Variants in ARID2 observed in about 807,000 individuals in gnomAD.
The protein encoded by ARID2 is AT-rich interactive domain-containing protein 2.
In ARID2, 32 loss-of-function variants were observed where a neutral mutation model predicts 184.6. That is an observed-to-expected ratio of 0.17 (90% confidence interval 0.13 to 0.23). The LOEUF (loss-of-function observed/expected upper bound fraction) is 0.23. ARID2 is among the 10% of genes least tolerant of loss of function. ARID2 has a pLI of 1.00. For missense variants in ARID2, 1,696 were observed against 2,197.6 expected (o/e 0.77, Z 4.56); for synonymous variants, 836 against 772.6 (o/e 1.08, Z -1.36).
At chr12:45,780,058 A>G (rs1942060094) in intron 3 of ARID2, among the ~76,000 whole-genome samples, 2 of 152,234 alleles carry the variant, frequency 1.3e-5, no homozygotes, top group South Asian at 4.1e-4. Flanking sequence ...TAAAGTACTT[A>G]CTTAGCAGAT....
In ARID2 at chr12:45,904,982, C is replaced by T. The variant is rs765314451; in HGVS notation, c.5412C>T (p.Asn1804=). 9 of 1,613,800 alleles carry T rather than the reference C, an allele frequency of 5.6e-6. No individual in the cohort carries two copies. Among genetic ancestry groups the T allele is most frequent in the Admixed American group, 3.3e-5 (2 of 59,992 alleles). Residue 1804 remains asparagine (N), a synonymous_variant, in exon 21 of 21, where the codon AAC becomes AAT. Coordinates refer to ENST00000334344, the MANE Select transcript of ARID2 (RefSeq NM_152641.4). ...ACTTATCAGTGCTAGCCATTAGTAACATGGAAGCTTCCTCCACCCTTGCCA... is the reference window on the plus strand; with the variant it reads ...ACTTATCAGTGCTAGCCATTAGTAATATGGAAGCTTCCTCCACCCTTGCCA... ...ENNLSVLAIS[N]MEASSTLAKC... is the part of the protein sequence containing the mutation.
rs1943581246 is a variant in ARID2, at chr12:45,852,797, A to G, written c.4674A>G (p.Ala1558=). ...GCGCAACAATGGTTGCTGTGCCAGC[A>G]GGAGCAGATCCAAGCACTGTAGCTA... is the stretch of plus-strand genomic sequence containing the variant. ...GCSATMVAVP[A]GADPSTVAKV... The change falls in exon 15 of 21, where the codon GCA becomes GCG. Residue 1558 remains alanine, a synonymous_variant. Coordinates refer to ENST00000334344, the MANE Select transcript of ARID2 (RefSeq NM_152641.4). The G allele has an allele frequency of 6.2e-7, 1 of 1,614,158 alleles. No homozygotes were observed. The highest frequency in any genetic ancestry group is 8.5e-7 in the Non-Finnish European group (1 of 1,180,006).
chr12:45,745,557 A>G (rs1424185258), intron 3 of ARID2, among the ~76,000 whole-genome samples: 3 of 152,062 alleles, frequency 2.0e-5, no homozygotes, highest in African/African-American at 7.2e-5. Flanking sequence ...ATTTATTATT[A>G]TTATTTTTGA....
chr12:45,883,048 C>T (rs149989453), intron 16 of ARID2, among the ~76,000 whole-genome samples: 4 of 152,086 alleles, frequency 2.6e-5, no homozygotes, highest in Admixed American at 6.5e-5. Context: ...TGTGTGAGAG[C>T]GCTAAAATAC....
rs1218218530 is a variant in ARID2, at chr12:45,850,694, T to A, written c.2571T>A (p.Ser857=). 6.2e-7 allele frequency: 1 copy of A among 1,614,020 alleles called. No individual in the cohort carries two copies. The highest frequency in any genetic ancestry group is 1.3e-5 in the African/African-American group (1 of 74,920). ...CACCCCCACAGTATGTAACAACTTC[T>A]GCATCCAATATTGTCTCAGCAACTT... The part of the protein sequence containing the change: ...IIAPPQYVTT[S]ASNIVSATSV... The change falls in exon 15 of 21, where the codon TCT becomes TCA. Residue 857 remains serine (S), a synonymous_variant. Transcript: ENST00000334344.
chr12:45,735,559 A>G (rs1448850399), intron 3 of ARID2, among the ~76,000 whole-genome samples: 1 of 151,774 alleles, frequency 6.6e-6, no homozygotes, highest in East Asian at 1.9e-4. Flanking sequence ...TACAAAAGTG[A>G]GCCACTGTGC....
chr12:45,890,402 A>G (rs1273884714), intron 16 of ARID2, among the ~76,000 whole-genome samples: 1 of 152,216 alleles, frequency 6.6e-6, no homozygotes, highest in Admixed American at 6.5e-5. Flanking sequence ...TTCTGTGTAT[A>G]TGTGTGCACG....
At chr12:45,810,480 G>A (rs1333426335) in intron 3 of ARID2, among the ~76,000 whole-genome samples, 2 of 152,108 alleles carry the variant, frequency 1.3e-5, no homozygotes, top group African/African-American at 2.4e-5. Context: ...ATTCAAACAA[G>A]TGTACAGATT....
rs1443868779 is a variant in ARID2 at position 45,851,698 on chromosome 12, C to G, written c.3575C>G (p.Ala1192Gly). 2 of 1,614,042 alleles carry G rather than the reference C, an allele frequency of 1.2e-6. No individual in the cohort carries two copies. Among genetic ancestry groups the G allele is most frequent in the Non-Finnish European group, 1.7e-6 (2 of 1,180,018 alleles). Residue 1192 changes from alanine to glycine, a missense_variant, in exon 15 of 21, where the codon GCA becomes GGA. By Grantham distance (60) the Ala-to-Gly change is moderately conservative. This residue lies in a region of ARID2 where 428 missense variants were observed against 409.1 expected (regional missense o/e 1.05). Transcript: ENST00000334344. ...CCTGCAACTGTGAGTCAGGGAAATG[C>G]AACTCAGCTCATTGCTCCAGCAGGA... is the stretch of plus-strand genomic sequence containing the variant. ...FAPATVSQGNATQLIAPAGIT... is the reference protein window; with the variant it reads ...FAPATVSQGNGTQLIAPAGIT...
At chr12:45,762,596 A>C (rs1221766524) in intron 3 of ARID2, among the ~76,000 whole-genome samples, 1 of 152,208 alleles carries the variant, frequency 6.6e-6, no homozygotes, top group East Asian at 1.9e-4. Flanking sequence ...AAGATGCCCT[A>C]CCATTATCAA....
chr12:45,902,718 T>G (rs914116449), intron 20 of ARID2, among the ~76,000 whole-genome samples: 2 of 151,944 alleles, frequency 1.3e-5, no homozygotes, highest in Admixed American at 6.6e-5. Flanking sequence ...TAATTTTTTG[T>G]ATTTTTAGTA....
intron 15 of ARID2, among the ~76,000 whole-genome samples, chr12:45,858,452 A>G (rs572747564): frequency 3.0e-4 from 45 of 152,284 alleles, no homozygotes; most frequent in African/African-American, 9.1e-4. Flanking sequence ...TCAGAGTTCT[A>G]TGGCTTTTAG....
At position 45,846,783 on chromosome 12, in the gene ARID2, T is replaced by G. The variant is rs958401137; in HGVS notation, c.1499-73T>G. The G allele has an allele frequency of 1.2e-5, 17 of 1,395,288 alleles. No homozygotes were observed. The Admixed American group carries it at 3.0e-4, about 24-fold the overall frequency. 86.4% of individuals were successfully genotyped at this position (1,395,288 alleles called of 1,614,324 possible). ...ATTCATTGTGTTAATGGGTTCAATA[T>G]CCATAAAAAAAAGTATGGCAAATAG... On this transcript the variant is annotated intron_variant, in intron 11 of 20. Transcript: ENST00000334344.
chr12:45,805,240 T>A (rs1021007064), intron 3 of ARID2, among the ~76,000 whole-genome samples: 1 of 152,010 alleles, frequency 6.6e-6, no homozygotes, highest in African/African-American at 2.4e-5. Flanking sequence ...AAAGTAATGA[T>A]CCTGACTTTA....
chr12:45,740,166 G>A (rs1941221655), intron 3 of ARID2, among the ~76,000 whole-genome samples: 2 of 152,044 alleles, frequency 1.3e-5, no homozygotes, highest in Admixed American at 1.3e-4. Flanking sequence ...GTCTTTTTAG[G>A]TAGCCTCATA....
intron 3 of ARID2, among the ~76,000 whole-genome samples, chr12:45,748,715 TTA>T (rs1270488379): frequency 1.3e-5 from 2 of 152,200 alleles, no homozygotes; most frequent in Admixed American, 6.5e-5. Flanking sequence ...TCAACTAAAT[TTA>T]TATACTGTTC....
intron 20 of ARID2, among the ~76,000 whole-genome samples, chr12:45,899,699 ATATATATATGGT>A (rs1344821297): frequency 1.4e-4 from 19 of 140,060 alleles, no homozygotes; most frequent in African/African-American, 4.5e-4. Flanking sequence ...ATATGGTTAT[ATATATATATGGT>A]TATATATATA....
rs1183507340 is a variant in ARID2 at position 45,851,630 on chromosome 12, C to A, written c.3507C>A (p.Gly1169=). Reference sequence around the variant, plus strand: ...CAACCATTTTCCAAGGGACTTCTGGCAACCAGGTAACCATAACAGTTGTGC... The same window carrying A: ...CAACCATTTTCCAAGGGACTTCTGGAAACCAGGTAACCATAACAGTTGTGC... ...SPATIFQGTS[G]NQVTITVVPN... is the part of the protein sequence containing the mutation. The change falls in exon 15 of 21, where the codon GGC becomes GGA. Residue 1169 remains glycine (G), a synonymous_variant. Transcript: ENST00000334344. 4 of 1,614,164 alleles carry A rather than the reference C, an allele frequency of 2.5e-6. No individual in the cohort carries two copies. The highest frequency in any genetic ancestry group is 1.1e-5 in the South Asian group (1 of 91,088).
At chr12:45,886,309 C>CG (rs1193352045) in intron 16 of ARID2, among the ~76,000 whole-genome samples, 2 of 152,224 alleles carry the variant, frequency 1.3e-5, no homozygotes, top group Non-Finnish European at 2.9e-5. Flanking sequence ...ACCCTGGTCA[C>CG]GCTGATGCAC....
Sources: allele counts gnomAD v4.1 joint callset (sites outside exome capture counted in the v4.1 genomes callset), GRCh38; gene constraint gnomAD v4.1.1; regional missense constraint gnomAD v4.1.1; transcripts MANE v1.5; gene names NCBI Gene and HGNC (gene_info 2026-07-23, HGNC 2026-07-21).